Variants in ANO1 observed in about 807,000 individuals in gnomAD.
ANO1 encodes the protein anoctamin-1.
Under a neutral mutation model 124.0 loss-of-function variants are expected in ANO1, and 59 were observed. The observed-to-expected ratio is 0.48, with a 90% CI of 0.39 to 0.59. ANO1 has a LOEUF of 0.59. Ranked by LOEUF, ANO1 falls within the 20% of genes least tolerant of loss-of-function variation. ANO1 has a pLI of 0.00. For missense variants in ANO1, 1,059 were observed against 1,328.0 expected (o/e 0.80, Z 3.15); for synonymous variants, 529 against 532.0 (o/e 0.99, Z 0.08).
At chr11:70,007,014 T>C (rs1856505015) in intron 1 of ANO1, among the ~76,000 whole-genome samples, 1 of 152,296 alleles carries the variant, frequency 6.6e-6, no homozygotes, top group East Asian at 1.9e-4. Flanking sequence ...ATTAACTGTA[T>C]GCACATTGCT....
intron 3 of ANO1, 70 bp from the exon 4 acceptor site, chr11:70,103,929 C>T (rs529752844): frequency 2.4e-4 from 365 of 1,522,728 alleles, no homozygotes; most frequent in Non-Finnish European, 2.8e-4. Flanking sequence ...TCTGACCATC[C>T]GAGAACAGAT....
chr11:70,150,217 C>G (rs551455131), intron 12 of ANO1, among the ~76,000 whole-genome samples: 6 of 152,186 alleles, frequency 3.9e-5, no homozygotes, highest in African/African-American at 1.4e-4. Flanking sequence ...GCCAAACCCA[C>G]GTTCCCTGGA....
chr11:70,003,470 G>A (rs1180213112), intron 1 of ANO1, among the ~76,000 whole-genome samples: 2 of 152,196 alleles, frequency 1.3e-5, no homozygotes, highest in Admixed American at 6.5e-5. Context: ...TGTATGGAAA[G>A]TGTTCCCTTC....
chr11:70,044,641 T>C (rs573892503), intron 1 of ANO1, among the ~76,000 whole-genome samples: 10 of 152,316 alleles, frequency 6.6e-5, no homozygotes, highest in African/African-American at 2.4e-4. Context: ...AAGCTAGTAC[T>C]GATAGTAAAT....
chr11:70,123,404 G>A (rs892402123), intron 8 of ANO1, among the ~76,000 whole-genome samples: 1 of 152,230 alleles, frequency 6.6e-6, no homozygotes, highest in African/African-American at 2.4e-5. Context: ...TACCCCAGAG[G>A]AGACGCTCAG....
chr11:70,163,618 C>G (rs1363340876), intron 19 of ANO1: 1 of 598,394 alleles, frequency 1.7e-6, no homozygotes, highest in Non-Finnish European at 2.9e-6. Context: ...TTTTGTGAGA[C>G]TGAATATTTC....
At chr11:70,054,697 TA>T (rs1857406703) in intron 1 of ANO1, among the ~76,000 whole-genome samples, 1 of 152,398 alleles carries the variant, frequency 6.6e-6, no homozygotes, top group African/African-American at 2.4e-5. Context: ...ATTAGTCTTT[TA>T]AATAAGCAAT....
At chr11:70,153,992 C>T (rs1004351257) in intron 14 of ANO1, among the ~76,000 whole-genome samples, 1 of 152,142 alleles carries the variant, frequency 6.6e-6, no homozygotes, top group Non-Finnish European at 1.5e-5. Flanking sequence ...TCTCGAACTC[C>T]TGACCCCAAG....
chr11:70,055,945 G>A (rs4980759), intron 1 of ANO1, among the ~76,000 whole-genome samples: 111,793 of 151,940 alleles, frequency 0.74, 41,500 homozygotes, highest in East Asian at 0.94. Flanking sequence ...TTAACTTTTA[G>A]AAATGCTTTT....
chr11:69,986,202 G>A (rs1363810338), intron 1 of ANO1: 1 of 152,430 alleles, frequency 6.6e-6, no homozygotes, highest in Non-Finnish European at 1.5e-5. Context: ...GTGAGGGACC[G>A]CGAGCGCGGC....
At chr11:70,106,480 G>T (rs1480720759) in intron 5 of ANO1, among the ~76,000 whole-genome samples, 1 of 152,196 alleles carries the variant, frequency 6.6e-6, no homozygotes, top group Non-Finnish European at 1.5e-5. Context: ...GGGTGACCTT[G>T]TCCAGACAAC....
intron 2 of ANO1, 124 bp downstream of exon 2, chr11:70,088,208 G>A (rs2044470273): frequency 1.0e-5 from 8 of 763,206 alleles, no homozygotes; most frequent in Admixed American, 3.5e-5. Context: ...GCTTTAAGCT[G>A]TTCTTAAAGA....
At chr11:70,124,478 C>A in intron 9 of ANO1, 64 bp downstream of exon 9, 2 of 1,534,310 alleles carry the variant, frequency 1.3e-6, no homozygotes, top group Non-Finnish European at 1.8e-6. Context: ...GATAACATCC[C>A]TGTGGGTTTC....
intron 1 of ANO1, among the ~76,000 whole-genome samples, chr11:70,013,488 G>A (rs1028728024): frequency 2.6e-5 from 4 of 152,098 alleles, no homozygotes; most frequent in Non-Finnish European, 5.9e-5. Context: ...ATAACAAAGT[G>A]TCAGCTGGGC....
chr11:70,041,545 AACTAAACT>A, intron 1 of ANO1, among the ~76,000 whole-genome samples: 2 of 152,248 alleles, frequency 1.3e-5, no homozygotes, highest in African/African-American at 2.4e-5. Context: ...ATGTAGAAAG[AACTAAACT>A]GACTTTCATG....
At chr11:70,071,839 G>A (rs1857880687) in intron 1 of ANO1, among the ~76,000 whole-genome samples, 1 of 151,740 alleles carries the variant, frequency 6.6e-6, no homozygotes, top group African/African-American at 2.4e-5. Context: ...TGTCCAGGCT[G>A]GTCTCTGACT....
intron 1 of ANO1, among the ~76,000 whole-genome samples, chr11:69,997,526 C>T (rs149663362): frequency 6.6e-6 from 1 of 152,162 alleles, no homozygotes; most frequent in Non-Finnish European, 1.5e-5. Context: ...AGCTCTCCCC[C>T]AGCCACTCTC....
At chr11:70,126,031 G>C in intron 9 of ANO1, 30 bp from the exon 10 acceptor site, 1 of 1,583,176 alleles carries the variant, frequency 6.3e-7, no homozygotes. Context: ...ATGACAGTGG[G>C]CTTGACTCTG....
intron 5 of ANO1, among the ~76,000 whole-genome samples, chr11:70,107,768 G>A (rs538717288): frequency 2.6e-5 from 4 of 152,082 alleles, no homozygotes; most frequent in Non-Finnish European, 5.9e-5. Flanking sequence ...AACAAAACAC[G>A]TCACTAGTCA....
Sources: allele counts gnomAD v4.1 joint callset (sites outside exome capture counted in the v4.1 genomes callset), GRCh38; gene constraint gnomAD v4.1.1; transcripts MANE v1.5; gene names NCBI Gene and HGNC (gene_info 2026-07-23, HGNC 2026-07-21).